ZNF268: variants seen among roughly 807,000 people sequenced by gnomAD.
ZNF268 encodes the protein zinc finger protein 268.
In ZNF268, 20 loss-of-function variants were observed where a neutral mutation model predicts 29.3. That is an observed-to-expected ratio of 0.68 (90% confidence interval 0.48 to 0.99). ZNF268 has a LOEUF of 0.99. Ranked by LOEUF, ZNF268 falls within the 50% of genes least tolerant of loss-of-function variation. The pLI is 0.00. For missense variants in ZNF268, 1,240 were observed against 1,121.6 expected, an observed-to-expected ratio of 1.11 and a Z score of -1.51; for synonymous variants, 429 against 376.9, an observed-to-expected ratio of 1.14 and a Z score of -1.60.
chr12:133,192,048 A>T, intron 5 of ZNF268, 45 bp downstream of exon 5: 1 of 1,470,472 alleles, frequency 6.8e-7, no homozygotes, highest in East Asian at 2.3e-5. Flanking sequence ...TAGAATTAGC[A>T]TGAATTCCAA....
rs1049701905 is a variant in ZNF268, at chr12:133,209,335, T to A, written c.*4805T>A. 6.6e-6 allele frequency: 1 copy of A among 152,156 alleles called. No homozygotes were observed. The highest frequency in any genetic ancestry group is 2.4e-5 in the African/African-American group (1 of 41,414). 9.4% of individuals were successfully genotyped at this position (152,156 alleles called of 1,614,324 possible). A position where few individuals can be genotyped will look rare whatever the true frequency, so the allele number is the denominator to read the frequency against. On this transcript the variant is annotated 3_prime_UTR_variant, in exon 6 of 6. Transcript: ENST00000536435. ...GTTTTCCAGTCTGGTTTCAAACTCCTGGGCTCAAGCAGTCCACCTGCCTTG... is the reference window on the plus strand; with the variant it reads ...GTTTTCCAGTCTGGTTTCAAACTCCAGGGCTCAAGCAGTCCACCTGCCTTG...
intron 5 of ZNF268, among the ~76,000 whole-genome samples, chr12:133,198,387 G>T (rs894561897): frequency 6.6e-6 from 1 of 150,560 alleles, no homozygotes; most frequent in African/African-American, 2.5e-5. Context: ...CTGTTCCATT[G>T]ATCTATATCT....
chr12:133,188,067 T>A lies in ZNF268; in HGVS notation c.229T>A (p.Ser77Thr). The A allele has an allele frequency of 6.3e-7, 1 of 1,583,484 alleles. No individual in the cohort carries two copies. Among genetic ancestry groups the A allele is most frequent in the Non-Finnish European group, 8.6e-7 (1 of 1,164,480 alleles). Residue 77 changes from serine to threonine, a missense_variant, in exon 3 of 6, where the codon TCC becomes ACC. Coordinates refer to ENST00000536435, the MANE Select transcript of ZNF268 (RefSeq NM_003415.3). ...ISQEQPKITK[S>T]WGPLSFMDVF... Reference sequence around the variant, plus strand: ...CCAAGAGCAGCCAAAAATCACCAAGTCCTGGGTGAGCTTCTCATTTGTTTA... The same window carrying A: ...CCAAGAGCAGCCAAAAATCACCAAGACCTGGGTGAGCTTCTCATTTGTTTA...
chr12:133,203,685 C>T lies in ZNF268; in HGVS notation c.1999C>T (p.Pro667Ser), dbSNP rs755649287. 1 of 1,548,764 alleles carries T rather than the reference C, an allele frequency of 6.5e-7. No homozygotes were observed. Among genetic ancestry groups the T allele is most frequent in the Admixed American group, 1.9e-5 (1 of 51,504 alleles). Residue 667 changes from proline (P) to serine (S), a missense_variant, in exon 6 of 6, where the codon CCC (proline) becomes TCC (serine). Coordinates refer to ENST00000536435, the MANE Select transcript of ZNF268 (RefSeq NM_003415.3). ...TAAAGGAGTGCACACTGGAGTAAAA[C>T]CCTATGGATGCAGTCAATGTGCAAA... ...VHKGVHTGVK[P>S]YGCSQCAKTF... is the part of the protein sequence containing the mutation.
chr12:133,211,291 A>G lies in ZNF268; in HGVS notation c.*6761A>G. 2.9e-6 allele frequency: 1 copy of G among 346,262 alleles called. No homozygotes were observed. Among genetic ancestry groups the G allele is most frequent in the Non-Finnish European group, 5.6e-6 (1 of 177,244 alleles). The allele number at this position is 346,262 out of a possible 1,614,324, so 21.4% of individuals were successfully genotyped here. On this transcript the variant is annotated 3_prime_UTR_variant, in exon 6 of 6. Coordinates refer to ENST00000536435, the MANE Select transcript of ZNF268 (RefSeq NM_003415.3). ...CCAAATACATACTTTCCAAAGATAT[A>G]CAGATGGTGGCCAGGCACGGTGGCT... is the stretch of plus-strand genomic sequence containing the variant.
intron 5 of ZNF268, among the ~76,000 whole-genome samples, chr12:133,198,711 T>C (rs1956677749): frequency 6.6e-6 from 1 of 150,920 alleles, no homozygotes; most frequent in Admixed American, 6.6e-5. Context: ...TTTATTTCAT[T>C]GAGCAGTGGT....
At chr12:133,193,289 T>C (rs1448449054) in intron 5 of ZNF268, 3 of 478,056 alleles carry the variant, frequency 6.3e-6, no homozygotes, top group East Asian at 6.6e-5. Context: ...ACTATGGTTG[T>C]GCCACTAGAC....
In ZNF268 at chr12:133,205,579, T is replaced by A. The variant is rs1956884684; in HGVS notation, c.*1049T>A. 1 of 152,224 alleles carries A rather than the reference T, an allele frequency of 6.6e-6. No individual in the cohort carries two copies. Among genetic ancestry groups the A allele is most frequent in the South Asian group, 2.1e-4 (1 of 4,828 alleles). The allele number at this position is 152,224 out of a possible 1,614,324, so 9.4% of individuals were successfully genotyped here. ...ATACCAACATTGTTTCTTTGTGTCT[T>A]ACCAAATGCAACTTGTTACTAGAAT... On this transcript the variant is annotated 3_prime_UTR_variant, in exon 6 of 6. Transcript: ENST00000536435.
rs117670356 is a variant in ZNF268 at position 133,190,097 on chromosome 12, G to C, written c.235-1392G>C. On this transcript the variant is annotated intron_variant, in intron 3 of 5. Coordinates refer to ENST00000536435, the MANE Select transcript of ZNF268 (RefSeq NM_003415.3). ...TGCTAGGGTTACAGGCGTGAGCCAT[G>C]GCGCCTGGCCCAAGTTTATCTGTTT... 1.5e-3 allele frequency among the ~76,000 whole-genome samples: 231 copies of C among 152,296 alleles called. 3 individuals carry two copies. In the East Asian group the frequency reaches 0.039, roughly 26 times the overall value.
At position 133,207,814 on chromosome 12, in the gene ZNF268, CAGA is replaced by C. The variant is rs981259010; in HGVS notation, c.*3288_*3290del. On this transcript the variant is annotated 3_prime_UTR_variant, in exon 6 of 6. Transcript: ENST00000536435. ...CAGAACTAGACCCTGTCTCAAAAAACAGAAGAGTATGTTTGGAAGATTTAATAT... is the reference window on the plus strand; with the variant it reads ...CAGAACTAGACCCTGTCTCAAAAAACAGAGTATGTTTGGAAGATTTAATAT... 1 of 151,856 alleles carries C rather than the reference CAGA, an allele frequency of 6.6e-6. No homozygotes were observed. Among genetic ancestry groups the C allele is most frequent in the Non-Finnish European group, 1.5e-5 (1 of 67,976 alleles). The allele number at this position is 151,856 out of a possible 1,614,324, so 9.4% of individuals were successfully genotyped here. A position where few individuals can be genotyped will look rare whatever the true frequency, so the allele number is the denominator to read the frequency against.
At chr12:133,189,395 A>G (rs933275515) in intron 3 of ZNF268, among the ~76,000 whole-genome samples, 2 of 151,778 alleles carry the variant, frequency 1.3e-5, no homozygotes, top group Admixed American at 1.3e-4. Flanking sequence ...TTGTATTTGT[A>G]GTAGAGACAG....
At chr12:133,193,809 T>G (rs1433107554) in intron 5 of ZNF268, among the ~76,000 whole-genome samples, 1 of 152,216 alleles carries the variant, frequency 6.6e-6, no homozygotes, top group Non-Finnish European at 1.5e-5. Flanking sequence ...ATTGATTCAC[T>G]GGCATCTCCC....
chr12:133,199,318 G>C (rs1419080420), intron 5 of ZNF268, among the ~76,000 whole-genome samples: 8 of 151,984 alleles, frequency 5.3e-5, no homozygotes, highest in Non-Finnish European at 1.2e-4. Context: ...CTTTGGTTTT[G>C]TTTATATGCT....
intron 2 of ZNF268, among the ~76,000 whole-genome samples, chr12:133,184,999 C>T (rs1339413170): frequency 1.3e-5 from 2 of 152,034 alleles, no homozygotes; most frequent in African/African-American, 4.8e-5. Flanking sequence ...GCCTGGCCAA[C>T]ATGGCGAAAC....
chr12:133,189,325 C>G (rs771477737), intron 3 of ZNF268, among the ~76,000 whole-genome samples: 60 of 151,316 alleles, frequency 4.0e-4, no homozygotes, highest in Non-Finnish European at 7.4e-4. Flanking sequence ...AGCAGTTCTC[C>G]TACCTCAGCC....
Position 133,202,462 on chromosome 12 carries a change from A to G in ZNF268, c.776A>G (p.Asn259Ser), listed in dbSNP as rs754573912. 27 of 1,611,782 alleles carry G rather than the reference A, an allele frequency of 1.7e-5. No homozygotes were observed. The Admixed American group carries it at 3.5e-4, about 21-fold the overall frequency. ...AGTATTGAATCTGGAAAAACCGTCA[A>G]TAAGAAATCGCAACTTATGTGCCAA... ...CESIESGKTV[N>S]KKSQLMCQQM... The change falls in exon 6 of 6, where the codon AAT becomes AGT. Residue 259 changes from asparagine to serine, a missense_variant. Coordinates refer to ENST00000536435, the MANE Select transcript of ZNF268 (RefSeq NM_003415.3).
In ZNF268 at chr12:133,211,434, A is replaced by C. The variant is rs1161737621; in HGVS notation, c.*6904A>C. 4 of 198,098 alleles carry C rather than the reference A, an allele frequency of 2.0e-5. No homozygotes were observed. The highest frequency in any genetic ancestry group is 4.2e-5 in the Non-Finnish European group (4 of 94,592). 12.3% of individuals were successfully genotyped at this position (198,098 alleles called of 1,614,324 possible). A position where few individuals can be genotyped will look rare whatever the true frequency, so the allele number is the denominator to read the frequency against. On this transcript the variant is annotated 3_prime_UTR_variant, in exon 6 of 6. Transcript: ENST00000536435. Reference sequence around the variant, plus strand: ...CTGTCTCTACTAAAAATACAAAATTAGCCAGGCGTGGTGGCGCTACTCTGC... The same window carrying C: ...CTGTCTCTACTAAAAATACAAAATTCGCCAGGCGTGGTGGCGCTACTCTGC...
chr12:133,204,990 A>G lies in ZNF268; in HGVS notation c.*460A>G, dbSNP rs1289326462. The G allele has an allele frequency of 1.3e-5, 2 of 154,730 alleles. No individual in the cohort carries two copies. Among genetic ancestry groups the G allele is most frequent in the African/African-American group, 4.8e-5 (2 of 41,408 alleles). 9.6% of individuals were successfully genotyped at this position (154,730 alleles called of 1,614,324 possible). ...AAATTACAAACATTTTATGTATCGG[A>G]AGCATATACCTTGGAGGGACCATGC... On this transcript the variant is annotated 3_prime_UTR_variant, in exon 6 of 6. Coordinates refer to ENST00000536435, the MANE Select transcript of ZNF268 (RefSeq NM_003415.3).
chr12:133,193,326 A>T, intron 5 of ZNF268: 2 of 515,662 alleles, frequency 3.9e-6, no homozygotes, highest in Non-Finnish European at 6.9e-6. Context: ...GTGAGATCTC[A>T]TCTCAAAAAA....
Sources: gnomAD v4.1 joint callset for allele counts (sites outside exome capture counted in the v4.1 genomes callset) on GRCh38, gnomAD v4.1.1 for gene constraint, MANE v1.5 for transcripts, NCBI Gene and HGNC (gene_info 2026-07-23, HGNC 2026-07-21) for gene names.